The following SLC12A2 variants were observed in gnomAD, a reference collection of about 807,000 sequenced individuals.
The protein encoded by SLC12A2 is solute carrier family 12 member 2.
SLC12A2 carries 67 observed loss-of-function variants against 136.3 expected under a neutral mutation model. That is an observed-to-expected ratio of 0.49 (90% confidence interval 0.40 to 0.60). The LOEUF is 0.60. Ranked by LOEUF, SLC12A2 falls within the 20% of genes least tolerant of loss-of-function variation. The pLI is 0.00. For missense variants in SLC12A2, 1,322 were observed against 1,534.7 expected (o/e 0.86, Z 2.32); for synonymous variants, 619 against 562.9 (o/e 1.10, Z -1.41).
At chr5:128,153,847 G>A (rs1044313871) in intron 15 of SLC12A2, among the ~76,000 whole-genome samples, 2 of 151,946 alleles carry the variant, frequency 1.3e-5, no homozygotes, top group East Asian at 3.9e-4. Flanking sequence ...GACTAAAAAG[G>A]TCTGAGAGAC....
intron 17 of SLC12A2, among the ~76,000 whole-genome samples, chr5:128,162,645 T>C (rs1468908209): frequency 6.6e-6 from 1 of 151,970 alleles, no homozygotes; most frequent in Admixed American, 6.6e-5. Context: ...GATCCTAACA[T>C]GTAATCAACA....
chr5:128,130,685 A>C (rs1398152367), intron 4 of SLC12A2, among the ~76,000 whole-genome samples: 3 of 148,294 alleles, frequency 2.0e-5, no homozygotes, highest in African/African-American at 2.5e-5. Flanking sequence ...TTCTGAAAAC[A>C]AAAAAAAAAG....
intron 13 of SLC12A2, 115 bp from the exon 14 acceptor site, chr5:128,151,126 C>A: frequency 1.2e-6 from 1 of 827,052 alleles, no homozygotes; most frequent in Non-Finnish European, 1.9e-6. Context: ...ATACTTAATG[C>A]TTAAAGTCCT....
chr5:128,118,576 T>A (rs1043077129), intron 4 of SLC12A2, among the ~76,000 whole-genome samples: 1 of 151,882 alleles, frequency 6.6e-6, no homozygotes, highest in Non-Finnish European at 1.5e-5. Flanking sequence ...GGTGGAAGGG[T>A]GGGAGGTGGG....
intron 20 of SLC12A2, among the ~76,000 whole-genome samples, chr5:128,176,352 C>G (rs1763541044): frequency 6.6e-6 from 1 of 152,062 alleles, no homozygotes; most frequent in South Asian, 2.1e-4. Context: ...ATCTTGCAGC[C>G]TAACTCCAGA....
At chr5:128,153,337 T>C (rs1473488981) in intron 15 of SLC12A2, among the ~76,000 whole-genome samples, 1 of 152,148 alleles carries the variant, frequency 6.6e-6, no homozygotes, top group African/African-American at 2.4e-5. Context: ...GGGGGATCAG[T>C]TGAGGTCAGG....
chr5:128,143,706 T>G (rs1762439617), intron 10 of SLC12A2, among the ~76,000 whole-genome samples: 1 of 151,982 alleles, frequency 6.6e-6, no homozygotes, highest in African/African-American at 2.4e-5. Context: ...ATTGTAAATT[T>G]ATAGAGTACA....
At chr5:128,093,579 C>A (rs976767807) in intron 1 of SLC12A2, among the ~76,000 whole-genome samples, 1 of 152,116 alleles carries the variant, frequency 6.6e-6, no homozygotes, top group African/African-American at 2.4e-5. Context: ...ATTCATCATA[C>A]TGCAAAAGTG....
intron 7 of SLC12A2, among the ~76,000 whole-genome samples, chr5:128,136,495 G>T (rs917745451): frequency 2.6e-4 from 39 of 152,088 alleles, no homozygotes; most frequent in African/African-American, 9.2e-4. Flanking sequence ...CTCTGAGACT[G>T]TTCATAGCCC....
chr5:128,152,902 A>T (rs906577136), intron 15 of SLC12A2, 97 bp downstream of exon 15: 22 of 790,614 alleles, frequency 2.8e-5, no homozygotes, highest in Non-Finnish European at 4.2e-5. Flanking sequence ...TCACATTTTT[A>T]ATCGGTCTTG....
rs1484832467 is a variant in SLC12A2 at position 128,114,216 on chromosome 5, G to A, written c.881G>A (p.Arg294His). Residue 294 changes from arginine to histidine, a missense_variant, in exon 3 of 27, where the codon CGT becomes CAT. By Grantham distance (29) the Arg-to-His change is conservative. This residue lies in a region of SLC12A2 where 71 missense variants were observed against 131.0 expected (regional missense o/e 0.54). Transcript: ENST00000262461. ...GGCCTCTTTTTCCCTCTTTAGGTAC[G>A]TTGTATGTTAAACATTTGGGGTGTG... Reference protein sequence around the residue: ...KFGWIKGVLVRCMLNIWGVML... With the variant: ...KFGWIKGVLVHCMLNIWGVML... The A allele has an allele frequency of 2.5e-6, 4 of 1,611,886 alleles. No homozygotes were observed. The highest frequency in any genetic ancestry group is 1.7e-5 in the Admixed American group (1 of 59,948).
chr5:128,134,246 T>A lies in SLC12A2; in HGVS notation c.1270T>A (p.Ser424Thr), dbSNP rs1401181571. Residue 424 changes from serine to threonine, a missense_variant, in exon 6 of 27, where the codon TCA (serine) becomes ACA (threonine). Transcript: ENST00000262461. ...TACAGTCGTGATTCTTTTAGGTATC[T>A]CAGTAGCTGGAATGGAGTGGGAAGC... ...AITVVILLGISVAGMEWEAKA... is the reference protein window; with the variant it reads ...AITVVILLGITVAGMEWEAKA... 1 of 1,600,948 alleles carries A rather than the reference T, an allele frequency of 6.2e-7. No individual in the cohort carries two copies. The highest frequency in any genetic ancestry group is 1.1e-5 in the South Asian group (1 of 90,636).
At chr5:128,097,222 T>G (rs1760578699) in intron 1 of SLC12A2, among the ~76,000 whole-genome samples, 1 of 147,484 alleles carries the variant, frequency 6.8e-6, no homozygotes, top group South Asian at 2.1e-4. Context: ...AATATAAGTT[T>G]GAGAAATAGG....
intron 16 of SLC12A2, among the ~76,000 whole-genome samples, chr5:128,161,244 T>A (rs1763026794): frequency 6.6e-6 from 1 of 152,188 alleles, no homozygotes; most frequent in African/African-American, 2.4e-5. Flanking sequence ...ACTTTGATTT[T>A]CAGTGATATT....
At chr5:128,176,027 AC>A (rs1294350605) in intron 20 of SLC12A2, among the ~76,000 whole-genome samples, 1 of 151,690 alleles carries the variant, frequency 6.6e-6, no homozygotes, top group Non-Finnish European at 1.5e-5. Flanking sequence ...CAGTGTAGAT[AC>A]TATAGAAACG....
In SLC12A2 at chr5:128,158,058, A is replaced by G; in HGVS notation, c.2369A>G (p.Gln790Arg). 6.2e-7 allele frequency: 1 copy of G among 1,606,654 alleles called. No individual in the cohort carries two copies. Among genetic ancestry groups the G allele is most frequent in the East Asian group, 2.2e-5 (1 of 44,818 alleles). Residue 790 changes from glutamine to arginine, a missense_variant, in exon 16 of 27, where the codon CAG (glutamine) becomes CGG (arginine). By Grantham distance (43) the Gln-to-Arg change is conservative. This residue lies in a region of SLC12A2 where 294 missense variants were observed against 436.6 expected (regional missense o/e 0.67). Coordinates refer to ENST00000262461, the MANE Select transcript of SLC12A2 (RefSeq NM_001046.3). ...VEDHVKNFRP[Q>R]CLVMTGAPNS... ...GTCTTTTCATCTTAAATTAGGCCAC[A>G]GTGTCTTGTTATGACAGGTGCTCCA... is the stretch of plus-strand genomic sequence containing the variant.
Position 128,167,745 on chromosome 5 carries a change from T to G in SLC12A2, c.2617-16T>G. The G allele has an allele frequency of 6.6e-7, 1 of 1,520,744 alleles. No individual in the cohort carries two copies. The highest frequency in any genetic ancestry group is 9.0e-7 in the Non-Finnish European group (1 of 1,107,080). 94.2% of individuals were successfully genotyped at this position (1,520,744 alleles called of 1,614,324 possible). The stretch of plus-strand genomic sequence containing the variant: ...AAATAATATATCTGTAAAGTTATAT[T>G]GACCCTATATTTTAGGCTGCTGGTC... On this transcript the variant is annotated splice_polypyrimidine_tract_variant and intron_variant, in intron 17 of 26. Transcript: ENST00000262461.
intron 1 of SLC12A2, among the ~76,000 whole-genome samples, chr5:128,112,012 C>T (rs1761166088): frequency 6.6e-6 from 1 of 152,034 alleles, no homozygotes; most frequent in African/African-American, 2.4e-5. Flanking sequence ...TAATTCTAAA[C>T]CCAGAACATC....
chr5:128,134,029 A>G lies in SLC12A2; in HGVS notation c.1189-136A>G, dbSNP rs79273460. ...AGTAATTTGTTCCTTTAGGTCTTCC[A>G]TTTATTCCTTAAGCAACCATTTATT... On this transcript the variant is annotated intron_variant, in intron 5 of 26. Transcript: ENST00000262461. 0.011 allele frequency: 5,765 copies of G among 534,794 alleles called. 263 individuals carry two copies. The highest frequency in any genetic ancestry group is 0.095 in the African/African-American group (4,975 of 52,096). The allele number at this position is 534,794 out of a possible 1,614,324, so 33.1% of individuals were successfully genotyped here. A position where few individuals can be genotyped will look rare whatever the true frequency, so the allele number is the denominator to read the frequency against.
Sources: gnomAD v4.1 joint callset for allele counts (sites outside exome capture counted in the v4.1 genomes callset) on GRCh38, gnomAD v4.1.1 for gene constraint, gnomAD v4.1.1 regional missense constraint, MANE v1.5 for transcripts, NCBI Gene and HGNC (gene_info 2026-07-23, HGNC 2026-07-21) for gene names.